Variants in MEF2C observed in about 807,000 individuals in gnomAD.
MEF2C encodes myocyte-specific enhancer factor 2C.
A neutral mutation model predicts 50.5 loss-of-function variants in MEF2C; 6 were observed. The observed-to-expected ratio is 0.12, with a 90% confidence interval of 0.07 to 0.23. The LOEUF is 0.23. MEF2C is among the 10% of genes least tolerant of loss of function. The pLI is 1.00. For missense variants in MEF2C, 276 were observed against 605.0 expected, an observed-to-expected ratio of 0.46 and a Z score of 5.70; for synonymous variants, 183 against 228.0, an observed-to-expected ratio of 0.80 and a Z score of 1.78.
chr5:88,896,302 T>C (rs1368415779), intron 1 of MEF2C, among the ~76,000 whole-genome samples: 1 of 152,228 alleles, frequency 6.6e-6, no homozygotes, highest in Non-Finnish European at 1.5e-5. Flanking sequence ...CCTTGTACCA[T>C]AGTGACTATG....
At chr5:88,775,872 T>A (rs1319778795) in intron 3 of MEF2C, 1 of 943,338 alleles carries the variant, frequency 1.1e-6, no homozygotes, top group South Asian at 4.9e-5. Context: ...TTTATTTTTT[T>A]ATCTCATTTT....
intron 3 of MEF2C, among the ~76,000 whole-genome samples, chr5:88,800,509 G>A (rs554634639): frequency 6.6e-6 from 1 of 152,168 alleles, no homozygotes; most frequent in African/African-American, 2.4e-5. Flanking sequence ...ATGAAGCAAT[G>A]GGCTGTAAGC....
At chr5:88,896,943 C>CTA (rs1185257677) in intron 1 of MEF2C, among the ~76,000 whole-genome samples, 3 of 98,300 alleles carry the variant, frequency 3.1e-5, no homozygotes, top group Non-Finnish European at 6.3e-5. Context: ...CTCAGTAAAG[C>CTA]TACACACACA....
At chr5:88,770,784 C>A (rs1782052861) in intron 3 of MEF2C, among the ~76,000 whole-genome samples, 1 of 152,174 alleles carries the variant, frequency 6.6e-6, no homozygotes, top group Non-Finnish European at 1.5e-5. Flanking sequence ...ATACTTCTGG[C>A]AGGGTCTAAT....
chr5:88,722,981 A>C, intron 10 of MEF2C, 56 bp from the exon 11 acceptor site: 1 of 1,397,344 alleles, frequency 7.2e-7, no homozygotes, highest in Non-Finnish European at 9.6e-7. Context: ...GGCCCCAGGA[A>C]CTCACAATTA....
chr5:88,782,113 C>A lies in MEF2C; in HGVS notation c.259-20785G>T, dbSNP rs1008019600. The A allele has an allele frequency of 1.9e-5, 18 of 967,320 alleles. No homozygotes were observed. The African/African-American group carries it at 3.2e-4, about 17-fold the overall frequency. 59.9% of individuals were successfully genotyped at this position (967,320 alleles called of 1,614,324 possible). ...AAGTGCACTACTTCATTAGGAACTT[C>A]TAAATTTATAAGATTTTGATTTATG... On this transcript the variant is annotated intron_variant, in intron 3 of 10. Coordinates refer to ENST00000504921, the MANE Select transcript of MEF2C (RefSeq NM_002397.5).
chr5:88,743,858 C>G, intron 6 of MEF2C: 1 of 970,702 alleles, frequency 1.0e-6, no homozygotes, highest in East Asian at 1.1e-4. Flanking sequence ...AATAAGAAAA[C>G]AGATGTTAGT....
At chr5:88,831,803 A>C (rs1813181322) in intron 1 of MEF2C, among the ~76,000 whole-genome samples, 1 of 152,048 alleles carries the variant, frequency 6.6e-6, no homozygotes, top group African/African-American at 2.4e-5. Context: ...CATCCTAATC[A>C]ACCTAATTAA....
rs1822284627 is a variant in MEF2C at position 88,853,845 on chromosome 5, T to C, written c.-143+29110A>G. Among the ~76,000 whole-genome samples the C allele has an allele frequency of 3.3e-5, 5 of 152,194 alleles. No homozygotes were observed. In the South Asian group the frequency reaches 1.0e-3, roughly 31 times the overall value. ...TTACATGAATGCTTTGGATAAAGCT[T>C]AAACTTCAAACAAGGATAATAAGAT... On this transcript the variant is annotated intron_variant, in intron 1 of 10. Transcript: ENST00000504921.
At chr5:88,836,406 G>T (rs1478751533) in intron 1 of MEF2C, among the ~76,000 whole-genome samples, 1 of 151,738 alleles carries the variant, frequency 6.6e-6, no homozygotes, top group Non-Finnish European at 1.5e-5. Flanking sequence ...ATACAAACCA[G>T]ACATGGAAAT....
chr5:88,838,802 C>G, intron 1 of MEF2C: 1 of 911,782 alleles, frequency 1.1e-6, no homozygotes, highest in Non-Finnish European at 1.3e-6. Context: ...ACAAATCCTT[C>G]TATTTACAGG....
chr5:88,722,778 CGCCTCGTG>C lies in MEF2C; in HGVS notation c.1240_1247del (p.His414GlyfsTer6), dbSNP rs1160413115. On this transcript the variant is annotated frameshift_variant, in exon 11 of 11. Coordinates refer to ENST00000504921, the MANE Select transcript of MEF2C (RefSeq NM_002397.5). LOFTEE classifies it high-confidence loss of function. ...TCAAGCTGTCAACAGGAGATCTCCC[CGCCTCGTG>C]GCGCGTGTGTTGTGGGTATCTCGAA... 1 of 1,613,822 alleles carries C rather than the reference CGCCTCGTG, an allele frequency of 6.2e-7. No homozygotes were observed. The highest frequency in any genetic ancestry group is 8.5e-7 in the Non-Finnish European group (1 of 1,179,884).
chr5:88,869,258 T>C lies in MEF2C; in HGVS notation c.-143+13697A>G, dbSNP rs967786093. Among the ~76,000 whole-genome samples, 6 of 64,952 alleles carry C rather than the reference T, an allele frequency of 9.2e-5. 1 individual carries two copies. The East Asian group carries it at 1.4e-3, about 15-fold the overall frequency. The allele number at this position is 64,952 out of a possible 152,430, so 42.6% of individuals were successfully genotyped here. A position where few individuals can be genotyped will look rare whatever the true frequency, so the allele number is the denominator to read the frequency against. Reference sequence around the variant, plus strand: ...GAAATCTAAAACTAGTTTTCATATATATATATATATATATATATACATATA... The same window carrying C: ...GAAATCTAAAACTAGTTTTCATATACATATATATATATATATATACATATA... On this transcript the variant is annotated intron_variant, in intron 1 of 10. Coordinates refer to ENST00000504921, the MANE Select transcript of MEF2C (RefSeq NM_002397.5).
Position 88,720,378 on chromosome 5 carries a change from T to C in MEF2C, c.*2226A>G, listed in dbSNP as rs1196194559. The C allele has an allele frequency of 6.6e-6, 1 of 152,480 alleles. No homozygotes were observed. The highest frequency in any genetic ancestry group is 1.5e-5 in the Non-Finnish European group (1 of 67,970). 9.4% of individuals were successfully genotyped at this position (152,480 alleles called of 1,614,324 possible). A position where few individuals can be genotyped will look rare whatever the true frequency, so the allele number is the denominator to read the frequency against. ...TATAAAACATTAGTACAAGGCAGGCTAGCATCCTTTATGGATACAACCAAA... is the reference window on the plus strand; with the variant it reads ...TATAAAACATTAGTACAAGGCAGGCCAGCATCCTTTATGGATACAACCAAA... On this transcript the variant is annotated 3_prime_UTR_variant, in exon 11 of 11. Coordinates refer to ENST00000504921, the MANE Select transcript of MEF2C (RefSeq NM_002397.5).
At chr5:88,844,092 G>T (rs188655552) in intron 1 of MEF2C, among the ~76,000 whole-genome samples, 2 of 152,184 alleles carry the variant, frequency 1.3e-5, no homozygotes, top group African/African-American at 2.4e-5. Flanking sequence ...TTACAGGCAT[G>T]AGCCATCGCA....
rs759783899 is a variant in MEF2C, at chr5:88,804,745, C to T, written c.111G>A (p.Val37=). ...GLMKKAYELS[V]LCDCEIALII... ...TCAGCGCAATCTCACAGTCACACAGCACGCTCAGCTCATAAGCCTTCTTCA... is the reference window on the plus strand; with the variant it reads ...TCAGCGCAATCTCACAGTCACACAGTACGCTCAGCTCATAAGCCTTCTTCA... The change falls in exon 3 of 11, where the codon GTG becomes GTA. Residue 37 remains valine, a synonymous_variant. Coordinates refer to ENST00000504921, the MANE Select transcript of MEF2C (RefSeq NM_002397.5). 2.2e-5 allele frequency: 35 copies of T among 1,614,074 alleles called. No individual in the cohort carries two copies. The highest frequency in any genetic ancestry group is 3.0e-5 in the Non-Finnish European group (35 of 1,180,028).
In MEF2C at chr5:88,740,274, T is replaced by C. The variant is rs1766016051; in HGVS notation, c.638-8373A>G. ...TGTGTGTGTGTGTGTGTGTGTGAAA[T>C]TAACAGTCTGTCAATGAGACAATGA... On this transcript the variant is annotated intron_variant, in intron 6 of 10. Coordinates refer to ENST00000504921, the MANE Select transcript of MEF2C (RefSeq NM_002397.5). 44 of 758,178 alleles carry C rather than the reference T, an allele frequency of 5.8e-5. No individual in the cohort carries two copies. The South Asian group carries it at 2.2e-3, about 39-fold the overall frequency. 47.0% of individuals were successfully genotyped at this position (758,178 alleles called of 1,614,324 possible). A position where few individuals can be genotyped will look rare whatever the true frequency, so the allele number is the denominator to read the frequency against.
chr5:88,828,936 C>T (rs1811987058), intron 1 of MEF2C, among the ~76,000 whole-genome samples: 1 of 151,910 alleles, frequency 6.6e-6, no homozygotes, highest in Non-Finnish European at 1.5e-5. Context: ...TATAAATATA[C>T]CATTACCTTA....
chr5:88,882,646 C>T (rs1833278532), intron 1 of MEF2C, among the ~76,000 whole-genome samples: 2 of 152,284 alleles, frequency 1.3e-5, no homozygotes, highest in African/African-American at 4.8e-5. Flanking sequence ...CCACACGCTC[C>T]ACCATATCAA....
Sources: gnomAD v4.1 joint callset for allele counts (sites outside exome capture counted in the v4.1 genomes callset) on GRCh38, gnomAD v4.1.1 for gene constraint, MANE v1.5 for transcripts, NCBI Gene and HGNC (gene_info 2026-07-23, HGNC 2026-07-21) for gene names.